KDM5A: variants seen among roughly 807,000 people sequenced by gnomAD.
KDM5A encodes lysine demethylase 5A, also known as lysine-specific demethylase 5A.
Under a neutral mutation model 193.5 loss-of-function variants are expected in KDM5A, and 42 were observed. That is an observed-to-expected ratio of 0.22 (90% CI 0.17 to 0.28). The LOEUF (loss-of-function observed/expected upper bound fraction) is 0.28. Among genes scored for constraint, KDM5A ranks in the 10% least tolerant of loss-of-function variants. KDM5A has a pLI of 1.00. For missense variants in KDM5A, 1,692 were observed against 2,055.1 expected (o/e 0.82, Z 3.42); for synonymous variants, 796 against 718.1 (o/e 1.11, Z -1.73).
At chr12:309,741 C>T in intron 22 of KDM5A, 62 bp downstream of exon 22, 1 of 1,545,252 alleles carries the variant, frequency 6.5e-7, no homozygotes, top group Non-Finnish European at 8.9e-7. Context: ...TGTGAGTCTG[C>T]TAATATCTCT....
chr12:285,216 T>C lies in KDM5A; in HGVS notation c.*240A>G. The stretch of plus-strand genomic sequence containing the variant: ...CTGGCCTTAATGCAGTAAACCACAC[T>C]CAAAGGAGACATGAAATATTGGCTG... On this transcript the variant is annotated 3_prime_UTR_variant, in exon 28 of 28. Coordinates refer to ENST00000399788, the MANE Select transcript of KDM5A (RefSeq NM_001042603.3). The C allele has an allele frequency of 1.7e-6, 1 of 574,218 alleles. No homozygotes were observed. The allele number at this position is 574,218 out of a possible 1,614,324, so 35.6% of individuals were successfully genotyped here. A position where few individuals can be genotyped will look rare whatever the true frequency, so the allele number is the denominator to read the frequency against.
intron 13 of KDM5A, 151 bp from the exon 14 acceptor site, chr12:329,180 A>C (rs1197101655): frequency 1.4e-6 from 1 of 706,972 alleles, no homozygotes; most frequent in East Asian, 2.7e-5. Context: ...ATTAACTGTA[A>C]ATATTAACCC....
intron 27 of KDM5A, among the ~76,000 whole-genome samples, chr12:290,899 A>G (rs533915236): frequency 9.8e-5 from 15 of 152,290 alleles, no homozygotes; most frequent in Admixed American, 7.2e-4. Context: ...GAATGTCAGG[A>G]AAGTTTAAAA....
chr12:304,196 T>C (rs1943477119), intron 24 of KDM5A, among the ~76,000 whole-genome samples: 1 of 152,232 alleles, frequency 6.6e-6, no homozygotes, highest in Non-Finnish European at 1.5e-5. Flanking sequence ...ATTTTCTGGA[T>C]GGTAACTAAG....
intron 4 of KDM5A, 92 bp downstream of exon 4, chr12:365,842 G>A (rs1247863724): frequency 2.4e-6 from 3 of 1,246,936 alleles, no homozygotes; most frequent in Non-Finnish European, 3.5e-6. Flanking sequence ...CCAAATTTTG[G>A]TGCCTGCTAA....
At chr12:370,481 T>C (rs1944412506) in intron 3 of KDM5A, among the ~76,000 whole-genome samples, 1 of 152,176 alleles carries the variant, frequency 6.6e-6, no homozygotes, top group Middle Eastern at 3.2e-3. Context: ...CCCAGAAATA[T>C]CACTATGAAC....
chr12:337,628 G>T (rs535022218), intron 10 of KDM5A, among the ~76,000 whole-genome samples: 1 of 150,434 alleles, frequency 6.6e-6, no homozygotes, highest in Non-Finnish European at 1.5e-5. Context: ...GATAAACATA[G>T]AATCAAATAT....
At chr12:310,029 A>G (rs1943564479) in intron 21 of KDM5A, 65 bp from the exon 22 acceptor site, 1 of 1,538,826 alleles carries the variant, frequency 6.5e-7, no homozygotes, top group African/African-American at 1.4e-5. Context: ...TAAAAATAAT[A>G]AAGGAACCAT....
At position 389,101 on chromosome 12, in the gene KDM5A, CGGGGGGGGG is replaced by C; in HGVS notation, c.-19_-11del. 2 of 1,292,212 alleles carry C rather than the reference CGGGGGGGGG, an allele frequency of 1.5e-6. No homozygotes were observed. Among genetic ancestry groups the C allele is most frequent in the Non-Finnish European group, 2.1e-6 (2 of 946,448 alleles). The allele number at this position is 1,292,212 out of a possible 1,614,324, so 80.0% of individuals were successfully genotyped here. On this transcript the variant is annotated 5_prime_UTR_variant, in exon 1 of 28. Transcript: ENST00000399788. ...GCCCCACGCCCGCCATTGCAACGGC[CGGGGGGGGG>C]GGGGGGTCCCCGTGGGGAACCGGTG...
intron 10 of KDM5A, among the ~76,000 whole-genome samples, chr12:348,547 G>C (rs985058093): frequency 6.6e-6 from 1 of 152,132 alleles, no homozygotes; most frequent in African/African-American, 2.4e-5. Context: ...TTAAGAAAAC[G>C]TGGCACATAT....
chr12:290,516 A>G (rs1247445879), intron 27 of KDM5A, among the ~76,000 whole-genome samples: 1 of 152,152 alleles, frequency 6.6e-6, no homozygotes, highest in Non-Finnish European at 1.5e-5. Context: ...ATAACTCTAG[A>G]TTTTGTTTAA....
At chr12:341,514 A>G (rs1944004733) in intron 10 of KDM5A, among the ~76,000 whole-genome samples, 1 of 152,206 alleles carries the variant, frequency 6.6e-6, no homozygotes. Flanking sequence ...ATAGAACCAA[A>G]TAACACTAAA....
chr12:367,706 A>C (rs1944375378), intron 3 of KDM5A, among the ~76,000 whole-genome samples: 1 of 151,586 alleles, frequency 6.6e-6, no homozygotes, highest in African/African-American at 2.4e-5. Flanking sequence ...CATCTCCGAA[A>C]AAAAAAAATT....
intron 2 of KDM5A, among the ~76,000 whole-genome samples, chr12:385,268 C>A (rs1004655721): frequency 6.6e-6 from 1 of 151,218 alleles, no homozygotes; most frequent in Non-Finnish European, 1.5e-5. Context: ...ACATAATAAA[C>A]CTTTGCTATC....
intron 13 of KDM5A, among the ~76,000 whole-genome samples, chr12:330,085 G>GTGTGTGTATATA (rs377271333): frequency 0.015 from 2,149 of 139,292 alleles, 27 homozygotes; most frequent in African/African-American, 0.034. Context: ...GTGTGTGTGT[G>GTGTGTGTATATA]TATATATATA....
chr12:374,185 A>T (rs1207227388), intron 3 of KDM5A, among the ~76,000 whole-genome samples: 1 of 151,452 alleles, frequency 6.6e-6, no homozygotes, highest in African/African-American at 2.5e-5. Context: ...GTAGGGTGTT[A>T]AAGTCTCCCA....
chr12:298,736 T>A (rs1232362086), intron 24 of KDM5A, among the ~76,000 whole-genome samples: 1 of 151,982 alleles, frequency 6.6e-6, no homozygotes, highest in East Asian at 1.9e-4. Context: ...AGAAGGTGGG[T>A]AATAACAAAC....
intron 27 of KDM5A, 86 bp downstream of exon 27, chr12:292,668 AAAAAC>A: frequency 6.5e-7 from 1 of 1,544,850 alleles, no homozygotes; most frequent in African/African-American, 1.4e-5. Context: ...TCCTAGAACC[AAAAAC>A]ATACTACACA....
At chr12:330,237 T>C (rs553474553) in intron 13 of KDM5A, among the ~76,000 whole-genome samples, 3 of 152,266 alleles carry the variant, frequency 2.0e-5, no homozygotes, top group African/African-American at 7.2e-5. Flanking sequence ...TTTGCAGTTC[T>C]TAACTATTAT....
Sources: gnomAD v4.1 joint callset for allele counts (sites outside exome capture counted in the v4.1 genomes callset) on GRCh38, gnomAD v4.1.1 for gene constraint, MANE v1.5 for transcripts, NCBI Gene and HGNC (gene_info 2026-07-23, HGNC 2026-07-21) for gene names.